Variants in MALRD1 observed in about 807,000 individuals in gnomAD.
The protein encoded by MALRD1 is MAM and LDL-receptor class A domain-containing protein 1.
In MALRD1, 247 loss-of-function variants were observed where a neutral mutation model predicts 242.1. That is an observed-to-expected ratio of 1.02 (90% CI 0.92 to 1.13). The LOEUF is 1.13. MALRD1 is among the 50% of genes most tolerant of loss of function. The probability of loss-of-function intolerance (pLI) is 0.00; values close to 1 mark genes in which losing one functional copy is unlikely to be tolerated. For missense variants in MALRD1, 2,989 were observed against 2,533.1 expected, an observed-to-expected ratio of 1.18 and a Z score of -3.86; for synonymous variants, 995 against 866.6, an observed-to-expected ratio of 1.15 and a Z score of -2.60.
At chr10:19,627,813 C>A (rs1839732148) in intron 36 of MALRD1, among the ~76,000 whole-genome samples, 2 of 147,686 alleles carry the variant, frequency 1.4e-5, no homozygotes, top group Non-Finnish European at 3.0e-5. Flanking sequence ...ATAGGCCAGG[C>A]CAGGAGGAAA....
chr10:19,387,537 C>A lies in MALRD1; in HGVS notation c.4451C>A (p.Pro1484Gln). Residue 1484 changes from proline (P) to glutamine (Q), a missense_variant, in exon 27 of 40, where the codon CCA becomes CAA. Transcript: ENST00000454679. ...LAVPLPTGFCPLGYRECHNGK... is the reference protein window; with the variant it reads ...LAVPLPTGFCQLGYRECHNGK... The stretch of plus-strand genomic sequence containing the variant: ...TTTTGTTTTGTTTTAGGTTTCTGCC[C>A]ACTTGGCTATAGGGAATGTCATAAT... 5 of 1,549,830 alleles carry A rather than the reference C, an allele frequency of 3.2e-6. No individual in the cohort carries two copies. The Middle Eastern group carries it at 6.7e-4, about 207-fold the overall frequency.
At chr10:19,216,238 C>T (rs934588054) in intron 18 of MALRD1, among the ~76,000 whole-genome samples, 1 of 151,484 alleles carries the variant, frequency 6.6e-6, no homozygotes, top group African/African-American at 2.4e-5. Context: ...CTGCCTCAGC[C>T]TCCTGAGTAG....
At chr10:19,688,259 C>A (rs1292552643) in intron 36 of MALRD1, among the ~76,000 whole-genome samples, 1 of 151,430 alleles carries the variant, frequency 6.6e-6, no homozygotes, top group Non-Finnish European at 1.5e-5. Flanking sequence ...GCATGAGCCA[C>A]TGTGCCCGGC....
At chr10:19,454,331 A>G (rs1835503035) in intron 29 of MALRD1, among the ~76,000 whole-genome samples, 1 of 149,428 alleles carries the variant, frequency 6.7e-6, no homozygotes, top group Non-Finnish European at 1.5e-5. Flanking sequence ...GAGTCAACAG[A>G]TATTCCCTGG....
At chr10:19,224,255 T>C (rs1837686035) in intron 18 of MALRD1, among the ~76,000 whole-genome samples, 1 of 151,676 alleles carries the variant, frequency 6.6e-6, no homozygotes, top group Non-Finnish European at 1.5e-5. Context: ...TGGCGCGAGA[T>C]GGTATCTCAT....
At chr10:19,613,098 C>T (rs1392251052) in intron 35 of MALRD1, among the ~76,000 whole-genome samples, 1 of 151,924 alleles carries the variant, frequency 6.6e-6, no homozygotes, top group Non-Finnish European at 1.5e-5. Flanking sequence ...AAATGTTTTC[C>T]CTGTCTCTGC....
intron 21 of MALRD1, among the ~76,000 whole-genome samples, chr10:19,305,141 C>G (rs1842109136): frequency 6.6e-6 from 1 of 151,534 alleles, no homozygotes; most frequent in Non-Finnish European, 1.5e-5. Context: ...GTGGTTTTTG[C>G]CAGTATACGG....
Position 19,062,065 on chromosome 10 carries a change from TCAACAA to T in MALRD1, c.200-4641_200-4636del, listed in dbSNP as rs140230035. ...ATCAGAATGTAAAAAGAACGACAGC[TCAACAA>T]CAACAACAACAAAATAACCTAATTA... On this transcript the variant is annotated intron_variant, in intron 1 of 39. Coordinates refer to ENST00000454679, the MANE Select transcript of MALRD1 (RefSeq NM_001142308.3). Among the ~76,000 whole-genome samples the T allele has an allele frequency of 2.3e-3, 355 of 151,604 alleles. 1 individual carries two copies. The highest frequency in any genetic ancestry group is 7.9e-3 in the African/African-American group (328 of 41,306).
At chr10:19,388,671 A>G (rs775255822) in intron 27 of MALRD1, among the ~76,000 whole-genome samples, 1 of 152,188 alleles carries the variant, frequency 6.6e-6, no homozygotes, top group Non-Finnish European at 1.5e-5. Context: ...GGTGTTGGGC[A>G]TGGCTCATTT....
chr10:19,591,986 G>A (rs1341196396), intron 33 of MALRD1, among the ~76,000 whole-genome samples: 1 of 152,196 alleles, frequency 6.6e-6, no homozygotes, highest in African/African-American at 2.4e-5. Flanking sequence ...AATACGGAGT[G>A]AATGAAGGAC....
rs568864026 is a variant in MALRD1 at position 19,481,405 on chromosome 10, T to C, written c.5030-10112T>C. Among the ~76,000 whole-genome samples, 10 of 152,314 alleles carry C rather than the reference T, an allele frequency of 6.6e-5. No homozygotes were observed. The South Asian group carries it at 8.3e-4, about 13-fold the overall frequency. ...AATCGAAAATATTCTATTATGTGTA[T>C]GTTCTAGATATTTGAAAATACTGGT... On this transcript the variant is annotated intron_variant, in intron 29 of 39. Transcript: ENST00000454679.
intron 28 of MALRD1, among the ~76,000 whole-genome samples, chr10:19,407,241 A>C (rs757984362): frequency 6.6e-6 from 1 of 152,178 alleles, no homozygotes; most frequent in Non-Finnish European, 1.5e-5. Flanking sequence ...AAGCTGAGGC[A>C]GAAGGATTCC....
rs549458787 is a variant in MALRD1, at chr10:19,399,200, C to T, written c.4845+9591C>T. The stretch of plus-strand genomic sequence containing the variant: ...GTAGGTTCAACTGCTGTGCACACAA[C>T]TAGTCTGTGTAGGAATCCTGAGAGC... On this transcript the variant is annotated intron_variant, in intron 28 of 39. Transcript: ENST00000454679. Among the ~76,000 whole-genome samples the T allele has an allele frequency of 2.0e-5, 3 of 152,298 alleles. No individual in the cohort carries two copies. In the South Asian group the frequency reaches 6.2e-4, roughly 32 times the overall value.
At chr10:19,290,814 A>C (rs950198051) in intron 21 of MALRD1, among the ~76,000 whole-genome samples, 1 of 152,168 alleles carries the variant, frequency 6.6e-6, no homozygotes, top group Admixed American at 6.5e-5. Context: ...TATAGTTCAC[A>C]TTTAAATATA....
At chr10:19,634,381 T>C (rs1383743113) in intron 36 of MALRD1, among the ~76,000 whole-genome samples, 1 of 152,138 alleles carries the variant, frequency 6.6e-6, no homozygotes, top group Non-Finnish European at 1.5e-5. Context: ...TACGCAAGAC[T>C]GAGCATTTAA....
At chr10:19,494,806 A>G (rs1319959565) in intron 30 of MALRD1, among the ~76,000 whole-genome samples, 1 of 152,192 alleles carries the variant, frequency 6.6e-6, no homozygotes, top group Non-Finnish European at 1.5e-5. Flanking sequence ...AATCACTGGT[A>G]TCCTTGAAAG....
chr10:19,550,468 A>AT, intron 32 of MALRD1, among the ~76,000 whole-genome samples: 1 of 152,004 alleles, frequency 6.6e-6, no homozygotes, highest in East Asian at 1.9e-4. Flanking sequence ...CCAATTAATT[A>AT]TTTTTCCTGA....
intron 14 of MALRD1, among the ~76,000 whole-genome samples, chr10:19,194,190 C>A (rs1416979122): frequency 6.6e-6 from 1 of 152,090 alleles, no homozygotes; most frequent in African/African-American, 2.4e-5. Context: ...ATTGTGGGTG[C>A]TCCTTAGACA....
intron 26 of MALRD1, among the ~76,000 whole-genome samples, chr10:19,361,965 C>G (rs1844914045): frequency 6.6e-6 from 1 of 151,982 alleles, no homozygotes; most frequent in African/African-American, 2.4e-5. Context: ...AGAAAGTGCC[C>G]CAAATTTTAC....
Sources: allele counts gnomAD v4.1 joint callset (sites outside exome capture counted in the v4.1 genomes callset), GRCh38; gene constraint gnomAD v4.1.1; transcripts MANE v1.5; gene names NCBI Gene and HGNC (gene_info 2026-07-23, HGNC 2026-07-21).